Variants in SNX29 observed in about 807,000 individuals in gnomAD.
SNX29 encodes the protein sorting nexin 29.
Under a neutral mutation model 102.1 loss-of-function variants are expected in SNX29, and 78 were observed. That is an observed-to-expected ratio of 0.76 (90% CI 0.64 to 0.92). SNX29 has a LOEUF of 0.92. SNX29 is among the 40% of genes least tolerant of loss of function. The probability of loss-of-function intolerance (pLI) is 0.00; values close to 1 mark genes in which losing one functional copy is unlikely to be tolerated. For missense variants in SNX29, 1,280 were observed against 1,061.7 expected (o/e 1.21, Z -2.86); for synonymous variants, 580 against 414.5 (o/e 1.40, Z -4.85).
intron 10 of SNX29, among the ~76,000 whole-genome samples, chr16:12,077,431 C>A (rs1200050238): frequency 7.2e-6 from 1 of 138,818 alleles, no homozygotes; most frequent in Admixed American, 7.0e-5. Context: ...GTGTGTGTAT[C>A]TCTGTTAACC....
Position 12,568,808 on chromosome 16 carries a change from A to T in SNX29, c.*179A>T, listed in dbSNP as rs2079121370. 3 of 1,010,286 alleles carry T rather than the reference A, an allele frequency of 3.0e-6. No individual in the cohort carries two copies. The highest frequency in any genetic ancestry group is 4.2e-6 in the Non-Finnish European group (3 of 711,952). The allele number at this position is 1,010,286 out of a possible 1,614,324, so 62.6% of individuals were successfully genotyped here. A position where few individuals can be genotyped will look rare whatever the true frequency, so the allele number is the denominator to read the frequency against. On this transcript the variant is annotated 3_prime_UTR_variant, in exon 21 of 21. Transcript: ENST00000566228. ...AACTAATCAGTCTTCGAGCCGCATG[A>T]TACCGTGACCCGAGAGACCAAGGCA...
chr16:12,303,043 C>T (rs532292505), intron 15 of SNX29, among the ~76,000 whole-genome samples: 5 of 152,290 alleles, frequency 3.3e-5, no homozygotes, highest in East Asian at 1.9e-4. Context: ...TTGAAGTAAG[C>T]TAGATAAAAG....
At chr16:12,163,142 A>G (rs1233414247) in intron 13 of SNX29, among the ~76,000 whole-genome samples, 1 of 152,132 alleles carries the variant, frequency 6.6e-6, no homozygotes, top group African/African-American at 2.4e-5. Context: ...TTGGCCTCCC[A>G]AAGTCCTGGG....
rs2057224823 is a variant in SNX29, at chr16:12,027,433, A to G, written c.236A>G (p.Lys79Arg). 2 of 1,613,960 alleles carry G rather than the reference A, an allele frequency of 1.2e-6. No homozygotes were observed. Among genetic ancestry groups the G allele is most frequent in the East Asian group, 4.5e-5 (2 of 44,884 alleles). The part of the protein sequence containing the change: ...AIKQAAGFAS[K>R]TETEPVFWYY... ...AAGCAGGCAGCGGGCTTTGCCAGCA[A>G]AACCGAAACAGGTACTGCTCTGCCT... The change falls in exon 4 of 21, where the codon AAA becomes AGA. Residue 79 changes from lysine to arginine, a missense_variant. Coordinates refer to ENST00000566228, the MANE Select transcript of SNX29 (RefSeq NM_032167.5).
chr16:12,348,336 G>T (rs1165268582), intron 15 of SNX29, among the ~76,000 whole-genome samples: 2 of 152,188 alleles, frequency 1.3e-5, no homozygotes, highest in Non-Finnish European at 2.9e-5. Flanking sequence ...CCTAGCTGCT[G>T]GGGAGCTCCT....
At chr16:12,146,600 G>A (rs994561272) in intron 13 of SNX29, among the ~76,000 whole-genome samples, 2 of 152,150 alleles carry the variant, frequency 1.3e-5, no homozygotes, top group African/African-American at 4.8e-5. Flanking sequence ...CCAAGTTCTT[G>A]GCGGCAGGCT....
chr16:12,472,287 G>A (rs967697309), intron 18 of SNX29, among the ~76,000 whole-genome samples: 3 of 152,098 alleles, frequency 2.0e-5, no homozygotes, highest in African/African-American at 4.8e-5. Flanking sequence ...TTGGGAGGCC[G>A]AGGTGGGTAG....
intron 15 of SNX29, among the ~76,000 whole-genome samples, chr16:12,331,517 C>T (rs1196293180): frequency 1.3e-5 from 2 of 152,252 alleles, no homozygotes; most frequent in African/African-American, 4.8e-5. Flanking sequence ...CTCAGTTTCC[C>T]CACCTGTGAA....
intron 15 of SNX29, among the ~76,000 whole-genome samples, chr16:12,304,418 G>T (rs1367834007): frequency 6.6e-6 from 1 of 152,118 alleles, no homozygotes; most frequent in Non-Finnish European, 1.5e-5. Flanking sequence ...GACTACAGGT[G>T]CACGCCACCA....
chr16:12,371,090 C>A (rs1223032340), intron 16 of SNX29, among the ~76,000 whole-genome samples: 2 of 152,196 alleles, frequency 1.3e-5, no homozygotes, highest in Non-Finnish European at 2.9e-5. Flanking sequence ...AGATGGTGTT[C>A]TCCCAGATAT....
intron 13 of SNX29, among the ~76,000 whole-genome samples, chr16:12,193,965 T>G (rs907668458): frequency 2.6e-5 from 4 of 152,234 alleles, no homozygotes; most frequent in African/African-American, 9.6e-5. Flanking sequence ...TGATTTTGGC[T>G]ATTTTAGTTT....
intron 14 of SNX29, among the ~76,000 whole-genome samples, chr16:12,256,422 G>T (rs1247584166): frequency 6.6e-6 from 1 of 152,102 alleles, no homozygotes; most frequent in Non-Finnish European, 1.5e-5. Flanking sequence ...CTGCCTCCCT[G>T]GTTCAGGCGA....
chr16:12,486,037 C>T (rs1048529790), intron 19 of SNX29, among the ~76,000 whole-genome samples: 11 of 152,202 alleles, frequency 7.2e-5, no homozygotes, highest in Admixed American at 7.2e-4. Flanking sequence ...ATATGAGCCT[C>T]ATTAGGTTAA....
chr16:12,261,658 G>A (rs1288368258), intron 14 of SNX29, among the ~76,000 whole-genome samples: 81 of 121,792 alleles, frequency 6.7e-4, no homozygotes, highest in Middle Eastern at 9.1e-3. Context: ...TCCTGAGCTC[G>A]GGTCTGCACG....
chr16:12,359,247 C>T (rs1056911840), intron 16 of SNX29, among the ~76,000 whole-genome samples: 1 of 152,170 alleles, frequency 6.6e-6, no homozygotes, highest in African/African-American at 2.4e-5. Context: ...GGGAGAAACC[C>T]CCACACATTT....
At chr16:12,549,358 G>A (rs2077816028) in intron 20 of SNX29, among the ~76,000 whole-genome samples, 1 of 152,172 alleles carries the variant, frequency 6.6e-6, no homozygotes, top group Non-Finnish European at 1.5e-5. Context: ...AGCCATGGGT[G>A]GTGGTGTGCA....
In SNX29 at chr16:12,339,370, C is replaced by CAAAAAAAAAAAAAAAA. The variant is rs58148692; in HGVS notation, c.1783-16784_1783-16769dup. 1.0e-3 allele frequency among the ~76,000 whole-genome samples: 57 copies of CAAAAAAAAAAAAAAAA among 56,272 alleles called. 5 individuals are homozygous for CAAAAAAAAAAAAAAAA. Among genetic ancestry groups the CAAAAAAAAAAAAAAAA allele is most frequent in the East Asian group, 8.1e-3 (10 of 1,236 alleles). 36.9% of individuals were successfully genotyped at this position (56,272 alleles called of 152,430 possible). ...TGGGCGACAGAGTGAGATTCTGTCT[C>CAAAAAAAAAAAAAAAA]AAAAAAAAAAAAAAAAAAAAAAAAG... On this transcript the variant is annotated intron_variant, in intron 15 of 20. Transcript: ENST00000566228.
chr16:12,090,948 G>C (rs564264081), intron 11 of SNX29, among the ~76,000 whole-genome samples: 1 of 141,348 alleles, frequency 7.1e-6, no homozygotes, highest in African/African-American at 2.7e-5. Flanking sequence ...CCAGGAAGTG[G>C]AGGTCGCAGT....
intron 19 of SNX29, among the ~76,000 whole-genome samples, chr16:12,488,537 G>T (rs535484091): frequency 2.0e-5 from 3 of 152,300 alleles, no homozygotes; most frequent in Non-Finnish European, 4.4e-5. Context: ...ACAGTGCCGG[G>T]TACAGAGTCG....
Sources: allele counts gnomAD v4.1 joint callset (sites outside exome capture counted in the v4.1 genomes callset), GRCh38; gene constraint gnomAD v4.1.1; transcripts MANE v1.5; gene names NCBI Gene and HGNC (gene_info 2026-07-23, HGNC 2026-07-21).